Variants in RGS5 observed in about 807,000 individuals in gnomAD.
RGS5 encodes regulator of G-protein signalling 5.
Under a neutral mutation model 18.9 loss-of-function variants are expected in RGS5, and 20 were observed. That is an observed-to-expected ratio of 1.06 (90% confidence interval 0.74 to 1.54). The LOEUF (loss-of-function observed/expected upper bound fraction) is 1.54. Among genes scored for constraint, RGS5 ranks in the 40% most tolerant of loss-of-function variants. RGS5 has a pLI of 0.00. For missense variants in RGS5, 201 were observed against 211.8 expected (o/e 0.95, Z 0.32); for synonymous variants, 57 against 76.2 (o/e 0.75, Z 1.31).
intron 2 of RGS5, among the ~76,000 whole-genome samples, chr1:163,223,395 T>C (rs1647270700): frequency 6.6e-6 from 1 of 152,178 alleles, no homozygotes; most frequent in Non-Finnish European, 1.5e-5. Context: ...TTCAAGCTGT[T>C]AAGGATGCTG....
intron 1 of RGS5, among the ~76,000 whole-genome samples, chr1:163,174,641 C>G (rs1658462109): frequency 6.6e-6 from 1 of 152,134 alleles, no homozygotes; most frequent in South Asian, 2.1e-4. Flanking sequence ...GCATTTAGTT[C>G]CTCATATTAT....
chr1:163,248,489 T>C (rs1478914952), intron 2 of RGS5: 1 of 152,176 alleles, frequency 6.6e-6, no homozygotes, highest in Non-Finnish European at 1.5e-5. Flanking sequence ...TCCTTAATCT[T>C]TATTTTACAG....
At chr1:163,179,477 G>A (rs899834575) in intron 1 of RGS5, among the ~76,000 whole-genome samples, 1 of 152,100 alleles carries the variant, frequency 6.6e-6, no homozygotes, top group African/African-American at 2.4e-5. Flanking sequence ...GAAGGAAACT[G>A]TCCAGATTAT....
At chr1:163,249,139 T>C (rs185557254) in intron 2 of RGS5, among the ~76,000 whole-genome samples, 1 of 152,336 alleles carries the variant, frequency 6.6e-6, no homozygotes, top group Admixed American at 6.5e-5. Context: ...GTCATCTACC[T>C]CTGCTCCCTG....
intron 2 of RGS5, among the ~76,000 whole-genome samples, chr1:163,293,131 C>T (rs1960335): frequency 0.42 from 63,241 of 151,992 alleles, 13,649 homozygotes; most frequent in South Asian, 0.5. Flanking sequence ...TTGTCTTCTA[C>T]GGTTTTTATA....
intron 2 of RGS5, among the ~76,000 whole-genome samples, chr1:163,268,149 G>A (rs946522161): frequency 6.6e-6 from 1 of 151,750 alleles, no homozygotes; most frequent in South Asian, 2.1e-4. Flanking sequence ...TAAACATTTT[G>A]CTGGTAGGGT....
intron 1 of RGS5, among the ~76,000 whole-genome samples, chr1:163,174,687 T>C (rs35441051): frequency 0.021 from 3,141 of 152,304 alleles, 57 homozygotes; most frequent in Middle Eastern, 0.054. Context: ...GCAGGGAGGA[T>C]AATTGCAATC....
chr1:163,165,197 G>A (rs549002966), intron 2 of RGS5, among the ~76,000 whole-genome samples: 3 of 152,260 alleles, frequency 2.0e-5, no homozygotes, highest in Admixed American at 6.5e-5. Context: ...CCAGGTGAGC[G>A]TATGCAGGAC....
chr1:163,187,343 A>T (rs1659134394), intron 1 of RGS5, among the ~76,000 whole-genome samples: 1 of 152,188 alleles, frequency 6.6e-6, no homozygotes, highest in Non-Finnish European at 1.5e-5. Flanking sequence ...CACATATAGT[A>T]TGTGTGGTGT....
chr1:163,285,049 C>G (rs982845901), intron 2 of RGS5, among the ~76,000 whole-genome samples: 1 of 152,124 alleles, frequency 6.6e-6, no homozygotes, highest in Non-Finnish European at 1.5e-5. Context: ...ACCACCAGAT[C>G]TCATGAGACT....
intron 4 of RGS5, among the ~76,000 whole-genome samples, chr1:163,150,691 C>G (rs1463021085): frequency 6.6e-6 from 1 of 152,164 alleles, no homozygotes; most frequent in Non-Finnish European, 1.5e-5. Context: ...TTTCTAGCAC[C>G]TTTTCATTTT....
At chr1:163,256,956 A>T (rs1648290040) in intron 2 of RGS5, among the ~76,000 whole-genome samples, 1 of 152,222 alleles carries the variant, frequency 6.6e-6, no homozygotes, top group African/African-American at 2.4e-5. Flanking sequence ...ATCTATTGCC[A>T]ACCACCTTTC....
Position 163,305,322 on chromosome 1 carries a change from A to G in RGS5, c.-281+911T>C, listed in dbSNP as rs899832770. On this transcript the variant is annotated intron_variant, in intron 2 of 5. Coordinates refer to the RGS5 transcript ENST00000618415. ...TGTTGGTTTGGTGGTCTCTGTAAGG[A>G]CAGAGTGCTCACTTTCAGAAGTGTC... The G allele has an allele frequency of 2.6e-5, 4 of 152,364 alleles. 1 individual carries two copies. The highest frequency in any genetic ancestry group is 1.3e-4 in the Admixed American group (2 of 15,284). The allele number at this position is 152,364 out of a possible 1,614,324, so 9.4% of individuals were successfully genotyped here.
rs570725001 is a variant in RGS5, at chr1:163,245,500, G to T, written c.-281+60733C>A. On this transcript the variant is annotated intron_variant, in intron 2 of 5. Coordinates refer to the RGS5 transcript ENST00000618415. Reference sequence around the variant, plus strand: ...CATCATTTTGCTTTCATAAATATCTGATTCTCCAAGCATATCATAAGATCT... The same window carrying T: ...CATCATTTTGCTTTCATAAATATCTTATTCTCCAAGCATATCATAAGATCT... Among the ~76,000 whole-genome samples, 23 of 152,254 alleles carry T rather than the reference G, an allele frequency of 1.5e-4. No homozygotes were observed. In the South Asian group the frequency reaches 4.4e-3, roughly 29 times the overall value.
intron 4 of RGS5, among the ~76,000 whole-genome samples, chr1:163,151,760 T>G (rs999192350): frequency 6.6e-6 from 1 of 152,186 alleles, no homozygotes; most frequent in Non-Finnish European, 1.5e-5. Flanking sequence ...CTTTCCTTTA[T>G]AAATTACCAA....
intron 1 of RGS5, chr1:163,321,465 C>T (rs191229989): frequency 5.9e-5 from 9 of 152,300 alleles, no homozygotes; most frequent in Non-Finnish European, 8.8e-5. Context: ...TTCTCTGATT[C>T]AGAGCCCTCA....
intron 2 of RGS5, among the ~76,000 whole-genome samples, chr1:163,262,151 C>CTTTTTTTT (rs532698783): frequency 2.4e-4 from 29 of 121,066 alleles, no homozygotes; most frequent in South Asian, 8.9e-4. Flanking sequence ...AGTTTTGAAA[C>CTTTTTTTT]TTTTTTTTTT....
At chr1:163,276,182 C>T (rs527715983) in intron 2 of RGS5, among the ~76,000 whole-genome samples, 5 of 152,104 alleles carry the variant, frequency 3.3e-5, no homozygotes, top group East Asian at 1.9e-4. Context: ...TTAGTAAAGA[C>T]GGGGTTTCTC....
chr1:163,184,293 A>G, intron 1 of RGS5, among the ~76,000 whole-genome samples: 1 of 152,108 alleles, frequency 6.6e-6, no homozygotes, highest in Non-Finnish European at 1.5e-5. Context: ...CACAGGTGAC[A>G]GGAGACCATC....
Sources: allele counts gnomAD v4.1 joint callset (sites outside exome capture counted in the v4.1 genomes callset), GRCh38; gene constraint gnomAD v4.1.1; transcripts MANE v1.5; gene names NCBI Gene and HGNC (gene_info 2026-07-23, HGNC 2026-07-21).